IGSF10: variants seen among roughly 807,000 people sequenced by gnomAD.
The protein encoded by IGSF10 is immunoglobulin superfamily member 10.
IGSF10 carries 126 observed loss-of-function variants against 128.2 expected under a neutral mutation model. The observed-to-expected ratio is 0.98, with a 90% CI of 0.85 to 1.14. IGSF10 has a LOEUF of 1.14. Among genes scored for constraint, IGSF10 ranks in the 50% most tolerant of loss-of-function variants. The pLI is 0.00. For missense variants in IGSF10, 3,295 were observed against 3,149.8 expected, an observed-to-expected ratio of 1.05 and a Z score of -1.10; for synonymous variants, 1,185 against 1,146.2, an observed-to-expected ratio of 1.03 and a Z score of -0.68.
chr3:151,535,765 G>A, the IGSF10 span, among the ~76,000 whole-genome samples: 154 of 152,066 alleles, frequency 1.0e-3, no homozygotes, highest in African/African-American at 3.3e-3. Flanking sequence ...ACTTTTTTGG[G>A]CTGCATTTTC....
chr3:151,563,800 T>C, the IGSF10 span, among the ~76,000 whole-genome samples: 1 of 152,222 alleles, frequency 6.6e-6, no homozygotes, highest in Admixed American at 6.5e-5. Context: ...CAAATATTTA[T>C]ATAGGGCTTA....
the IGSF10 span, among the ~76,000 whole-genome samples, chr3:151,480,520 C>G: frequency 6.6e-6 from 1 of 152,164 alleles, no homozygotes; most frequent in Non-Finnish European, 1.5e-5. Flanking sequence ...GACCACCTCC[C>G]TATGGCCCTT....
the IGSF10 span, among the ~76,000 whole-genome samples, chr3:151,493,944 G>A: frequency 2.0e-5 from 3 of 151,798 alleles, no homozygotes; most frequent in African/African-American, 4.8e-5. Flanking sequence ...AATTTTAGGG[G>A]GTAATTTGTT....
At chr3:151,481,476 C>T in the IGSF10 span, among the ~76,000 whole-genome samples, 3 of 152,174 alleles carry the variant, frequency 2.0e-5, no homozygotes, top group African/African-American at 4.8e-5. Context: ...TGAAGCATCC[C>T]TTCTTTCTTG....
chr3:151,450,376 T>A (rs1327944623), intron 5 of IGSF10, among the ~76,000 whole-genome samples: 3 of 152,182 alleles, frequency 2.0e-5, no homozygotes, highest in Non-Finnish European at 4.4e-5. Context: ...ATCTAATTTG[T>A]CAGAGTGGCT....
At chr3:151,465,386 T>C (rs369656187), upstream of IGSF10, among the ~76,000 whole-genome samples, 211 of 152,346 alleles carry the variant, frequency 1.4e-3, 1 homozygote, top group African/African-American at 4.7e-3. Flanking sequence ...GCAGCTCTGC[T>C]GACTTTAGTT....
the IGSF10 span, among the ~76,000 whole-genome samples, chr3:151,519,379 A>G: frequency 1.3e-5 from 2 of 151,838 alleles, no homozygotes; most frequent in Non-Finnish European, 2.9e-5. Flanking sequence ...ATTTAAGACC[A>G]CTGTCTCTTT....
At chr3:151,526,062 C>A in the IGSF10 span, among the ~76,000 whole-genome samples, 8 of 152,324 alleles carry the variant, frequency 5.3e-5, no homozygotes, top group Middle Eastern at 3.4e-3. Context: ...CCCCTCATCA[C>A]TGAGCATCTT....
the IGSF10 span, among the ~76,000 whole-genome samples, chr3:151,546,839 C>G: frequency 6.6e-6 from 1 of 151,906 alleles, no homozygotes; most frequent in African/African-American, 2.4e-5. Context: ...GGTGCAATCT[C>G]GGCTCATTGC....
At chr3:151,564,206 A>T in the IGSF10 span, among the ~76,000 whole-genome samples, 4 of 152,200 alleles carry the variant, frequency 2.6e-5, no homozygotes, top group African/African-American at 9.6e-5. Context: ...TAAACAATGT[A>T]TTAAATACAT....
the IGSF10 span, among the ~76,000 whole-genome samples, chr3:151,588,230 A>C: frequency 1.3e-5 from 2 of 152,164 alleles, no homozygotes; most frequent in African/African-American, 4.8e-5. Flanking sequence ...TGAGCACATA[A>C]AACTAGTTTT....
chr3:151,447,393 G>C lies in IGSF10; in HGVS notation c.2588C>G (p.Thr863Ser). The C allele has an allele frequency of 2.5e-6, 4 of 1,614,058 alleles. No homozygotes were observed. Among genetic ancestry groups the C allele is most frequent in the Non-Finnish European group, 3.4e-6 (4 of 1,179,902 alleles). The change falls in exon 6 of 8, where the codon ACT (threonine) becomes AGT (serine). Residue 863 changes from threonine to serine, a missense_variant. Physicochemically the swap from Thr to Ser is moderately conservative, Grantham distance 58. Transcript: ENST00000282466. The stretch of plus-strand genomic sequence containing the variant: ...TGACATGGCTGTAGTTTTAATAGCA[G>C]TAGACAGTTTGAAATCTGTGGGTTC... ...PEEPTDFKLS[T>S]AIKTTAMSKN...
At chr3:151,535,512 AG>A in the IGSF10 span, among the ~76,000 whole-genome samples, 1 of 152,208 alleles carries the variant, frequency 6.6e-6, no homozygotes, top group Non-Finnish European at 1.5e-5. Flanking sequence ...ACCTGGGTGA[AG>A]GAATCAATCG....
At chr3:151,569,105 T>C in the IGSF10 span, among the ~76,000 whole-genome samples, 1 of 152,290 alleles carries the variant, frequency 6.6e-6, no homozygotes, top group African/African-American at 2.4e-5. Flanking sequence ...CGAATCTTGC[T>C]CTGTTGTGCA....
chr3:151,437,260 A>ATAAC lies in IGSF10; in HGVS notation c.7297_7300dup (p.Ile2434SerfsTer25), dbSNP rs1340964143. 1.2e-6 allele frequency: 2 copies of ATAAC among 1,614,216 alleles called. No individual in the cohort carries two copies. The highest frequency in any genetic ancestry group is 8.5e-7 in the Non-Finnish European group (1 of 1,180,036). On this transcript the variant is annotated frameshift_variant, in exon 8 of 8. Coordinates refer to ENST00000282466, the MANE Select transcript of IGSF10 (RefSeq NM_178822.5). LOFTEE classifies it low-confidence loss of function (END_TRUNC). ...TACTGTCCCTGGTGCATAGGTAAGA[A>ATAAC]TAACTGGCTTCTGGCCAATTTCTAA...
chr3:151,496,261 C>A, the IGSF10 span, among the ~76,000 whole-genome samples: 124,171 of 150,930 alleles, frequency 0.82, 51,182 homozygotes, highest in Middle Eastern at 0.92. Flanking sequence ...GGTTTGTTAC[C>A]TATGTATACA....
At chr3:151,473,583 T>G in the IGSF10 span, among the ~76,000 whole-genome samples, 4 of 152,206 alleles carry the variant, frequency 2.6e-5, no homozygotes, top group African/African-American at 9.6e-5. Flanking sequence ...GGTCTCCTTT[T>G]ACTAAATGTG....
At position 151,438,596 on chromosome 3, in the gene IGSF10, C is replaced by A; in HGVS notation, c.5965G>T (p.Val1989Leu). The change falls in exon 8 of 8, where the codon GTG becomes TTG. Residue 1989 changes from valine (V) to leucine (L), a missense_variant and splice_region_variant. Transcript: ENST00000282466. ...SKAVVDQQHR[V>L]GSWIHVYPNG... ...GGGTAGACGTGGATCCAGCTGCCCA[C>A]TCTAAGGAGAAAAGAGATTCATTTG... 6 of 1,608,484 alleles carry A rather than the reference C, an allele frequency of 3.7e-6. No homozygotes were observed. Among genetic ancestry groups the A allele is most frequent in the Non-Finnish European group, 3.4e-6 (4 of 1,176,736 alleles).
In IGSF10 at chr3:151,438,953, G is replaced by C. The variant is rs144177620; in HGVS notation, c.5964-356C>G. 3.2e-4 allele frequency among the ~76,000 whole-genome samples: 49 copies of C among 151,864 alleles called. No homozygotes were observed. The East Asian group carries it at 9.3e-3, about 29-fold the overall frequency. ...TATGTGTGATTAGCTTTAAATTGTT[G>C]CAATAAAAAAATAAAATTACTACCA... On this transcript the variant is annotated intron_variant, in intron 7 of 7. Transcript: ENST00000282466.
Sources: gnomAD v4.1 joint callset for allele counts (sites outside exome capture counted in the v4.1 genomes callset) on GRCh38, gnomAD v4.1.1 for gene constraint, MANE v1.5 for transcripts, NCBI Gene and HGNC (gene_info 2026-07-23, HGNC 2026-07-21) for gene names.